Variants in SLIT2 observed in about 807,000 individuals in gnomAD.
SLIT2 encodes the protein slit guidance ligand 2.
Under a neutral mutation model 185.7 loss-of-function variants are expected in SLIT2, and 41 were observed. The ratio of observed to expected loss-of-function variants is 0.22; its 90% confidence interval spans 0.17 to 0.29. The LOEUF (loss-of-function observed/expected upper bound fraction) is 0.29, where lower values mean the gene tolerates loss of function less well. Among genes scored for constraint, SLIT2 ranks in the 10% least tolerant of loss-of-function variants. The pLI, the probability that SLIT2 is intolerant of heterozygous loss-of-function variation, is 1.00. For synonymous variants in SLIT2, 693 were observed against 680.2 expected (o/e 1.02, Z -0.29); for missense variants, 1,571 against 1,909.0 (o/e 0.82, Z 3.30).
intron 4 of SLIT2, among the ~76,000 whole-genome samples, chr4:20,410,631 A>G (rs746087789): frequency 6.6e-5 from 10 of 151,942 alleles, no homozygotes; most frequent in Non-Finnish European, 1.2e-4. Flanking sequence ...AATTTTCTAC[A>G]TGTGGCTAGC....
At chr4:20,319,876 G>A (rs1192893559) in intron 4 of SLIT2, among the ~76,000 whole-genome samples, 1 of 151,320 alleles carries the variant, frequency 6.6e-6, no homozygotes, top group African/African-American at 2.4e-5. Flanking sequence ...TCTTTGAATA[G>A]CCCTGGTTTG....
chr4:20,542,640 G>T lies in SLIT2; in HGVS notation c.2276+14G>T. 1 of 1,611,100 alleles carries T rather than the reference G, an allele frequency of 6.2e-7. No individual in the cohort carries two copies. Among genetic ancestry groups the T allele is most frequent in the Non-Finnish European group, 8.5e-7 (1 of 1,178,716 alleles). On this transcript the variant is annotated intron_variant, in intron 21 of 36. Transcript: ENST00000504154. ...TGTCACAGAGTTGTAAGTAGAGCTT[G>T]TCTTTCTTTTCTTTTCTTTTTCCTT...
intron 4 of SLIT2, among the ~76,000 whole-genome samples, chr4:20,278,281 C>G (rs772520800): frequency 5.3e-5 from 8 of 151,856 alleles, no homozygotes; most frequent in Non-Finnish European, 7.4e-5. Flanking sequence ...AAAACCCACT[C>G]TCTGTCTTAT....
chr4:20,543,699 C>A lies in SLIT2; in HGVS notation c.2276+1073C>A, dbSNP rs576085975. On this transcript the variant is annotated intron_variant, in intron 21 of 36. Transcript: ENST00000504154. ...TCTTATTTTCAAATCACATGCAATTCTTTAAACCCTAAGTTTGATCCTGAA... is the reference window on the plus strand; with the variant it reads ...TCTTATTTTCAAATCACATGCAATTATTTAAACCCTAAGTTTGATCCTGAA... Among the ~76,000 whole-genome samples the A allele has an allele frequency of 1.6e-4, 24 of 151,908 alleles. No homozygotes were observed. In the East Asian group the frequency reaches 4.1e-3, roughly 26 times the overall value.
At chr4:20,472,276 CTATATATATAGATATATAGA>C (rs1560452670) in intron 5 of SLIT2, among the ~76,000 whole-genome samples, 1 of 21,660 alleles carries the variant, frequency 4.6e-5, no homozygotes, top group Non-Finnish European at 7.1e-5. Flanking sequence ...AGATATATAT[CTATATATATAGATATATAGA>C]TATATAGATC....
chr4:20,437,914 C>CAAAA (rs1224604666), intron 4 of SLIT2, among the ~76,000 whole-genome samples: 2 of 65,578 alleles, frequency 3.0e-5, no homozygotes, highest in Admixed American at 1.8e-4. Flanking sequence ...GACTCCGTCT[C>CAAAA]AAAAAAAAAA....
intron 19 of SLIT2, 56 bp downstream of exon 19, chr4:20,539,640 A>G (rs558151371): frequency 1.7e-6 from 2 of 1,167,266 alleles, no homozygotes; most frequent in Non-Finnish European, 2.4e-6. Flanking sequence ...ATATTTGTTA[A>G]TGTATTTAAT....
chr4:20,607,000 C>T (rs1463876795), intron 33 of SLIT2, among the ~76,000 whole-genome samples: 1 of 152,186 alleles, frequency 6.6e-6, no homozygotes, highest in African/African-American at 2.4e-5. Context: ...TTGAGCTGGA[C>T]AACCTGGCTT....
intron 4 of SLIT2, among the ~76,000 whole-genome samples, chr4:20,405,711 C>T (rs1726723764): frequency 6.6e-6 from 1 of 151,742 alleles, no homozygotes; most frequent in South Asian, 2.1e-4. Context: ...TGGAAACCAA[C>T]CAGTTATTTC....
intron 4 of SLIT2, among the ~76,000 whole-genome samples, chr4:20,283,040 A>G (rs1360793321): frequency 2.0e-5 from 3 of 152,042 alleles, no homozygotes; most frequent in Admixed American, 6.6e-5. Context: ...TTTTCTAACA[A>G]TTTCATTAAC....
chr4:20,311,035 C>T (rs1718060141), intron 4 of SLIT2, among the ~76,000 whole-genome samples: 1 of 152,194 alleles, frequency 6.6e-6, no homozygotes, highest in South Asian at 2.1e-4. Flanking sequence ...AAGTTCATGT[C>T]ACCACACTCA....
At chr4:20,289,676 G>A (rs1381499027) in intron 4 of SLIT2, among the ~76,000 whole-genome samples, 1 of 152,150 alleles carries the variant, frequency 6.6e-6, no homozygotes, top group Admixed American at 6.5e-5. Flanking sequence ...GCTTCATGAG[G>A]ACAGAGACTT....
At chr4:20,546,413 C>T (rs545387540) in intron 22 of SLIT2, among the ~76,000 whole-genome samples, 6 of 151,996 alleles carry the variant, frequency 3.9e-5, no homozygotes, top group Non-Finnish European at 8.8e-5. Context: ...TATTTTATGA[C>T]AAACTAAGGA....
chr4:20,277,287 A>AT (rs896991544), intron 4 of SLIT2, among the ~76,000 whole-genome samples: 4 of 152,110 alleles, frequency 2.6e-5, no homozygotes, highest in Non-Finnish European at 5.9e-5. Context: ...TTCATTGAGA[A>AT]TTTTTTTGTA....
intron 29 of SLIT2, chr4:20,573,243 T>A (rs1291753437): frequency 2.8e-6 from 2 of 702,986 alleles, no homozygotes; most frequent in Non-Finnish European, 5.2e-6. Flanking sequence ...GCTGCTAATC[T>A]GAATGAGGTG....
intron 25 of SLIT2, 54 bp from the exon 26 acceptor site, chr4:20,553,751 G>GTGTGTA: frequency 7.4e-7 from 1 of 1,343,174 alleles, no homozygotes; most frequent in Non-Finnish European, 9.9e-7. Flanking sequence ...GTGTGTGTGT[G>GTGTGTA]TGTGTATGTG....
chr4:20,280,027 G>T (rs1395107873), intron 4 of SLIT2, among the ~76,000 whole-genome samples: 2 of 152,038 alleles, frequency 1.3e-5, no homozygotes, highest in Non-Finnish European at 2.9e-5. Flanking sequence ...AAAAAGCACT[G>T]GATCAGAAGC....
intron 14 of SLIT2, 124 bp downstream of exon 14, chr4:20,524,301 C>T: frequency 1.2e-6 from 1 of 817,964 alleles, no homozygotes; most frequent in Non-Finnish European, 1.9e-6. Flanking sequence ...TTCTTCTGCC[C>T]ATGAATAATA....
chr4:20,454,537 A>C (rs985958970), intron 4 of SLIT2, among the ~76,000 whole-genome samples: 2 of 152,176 alleles, frequency 1.3e-5, no homozygotes, highest in African/African-American at 2.4e-5. Context: ...ATTACTCAGT[A>C]GTTTCCAAAG....
Sources: gnomAD v4.1 joint callset for allele counts (sites outside exome capture counted in the v4.1 genomes callset) on GRCh38, gnomAD v4.1.1 for gene constraint, MANE v1.5 for transcripts, NCBI Gene and HGNC (gene_info 2026-07-23, HGNC 2026-07-21) for gene names.